HRH1: variants seen among roughly 807,000 people sequenced by gnomAD.
The protein encoded by HRH1 is histamine H1 receptor.
Under a neutral mutation model 10.3 loss-of-function variants are expected in HRH1, and 6 were observed. The observed-to-expected ratio is 0.58, with a 90% CI of 0.32 to 1.15. The LOEUF (loss-of-function observed/expected upper bound fraction) is 1.15. Ranked by LOEUF, HRH1 falls within the 50% of genes most tolerant of loss-of-function variation. The pLI, the probability that HRH1 is intolerant of heterozygous loss-of-function variation, is 0.05. For synonymous variants in HRH1, 242 were observed against 236.7 expected, an observed-to-expected ratio of 1.02 and a Z score of -0.21; for missense variants, 514 against 615.3, an observed-to-expected ratio of 0.84 and a Z score of 1.74.
intron 1 of HRH1, among the ~76,000 whole-genome samples, chr3:11,236,425 T>G (rs556669986): frequency 5.8e-4 from 64 of 110,436 alleles, no homozygotes; most frequent in Non-Finnish European, 1.0e-3. Context: ...CGAGACTCCG[T>G]CTCAAAACAA....
intron 1 of HRH1, among the ~76,000 whole-genome samples, chr3:11,235,839 T>C (rs1939167358): frequency 6.6e-6 from 1 of 152,234 alleles, no homozygotes; most frequent in South Asian, 2.1e-4. Flanking sequence ...TTTTCTACTT[T>C]GCTAGGCAGC....
chr3:11,241,677 CA>C (rs34403621), intron 1 of HRH1, among the ~76,000 whole-genome samples: 101,441 of 151,268 alleles, frequency 0.67, 34,227 homozygotes, highest in East Asian at 0.71. Context: ...ACTGAAAATA[CA>C]AAAAAAAATT....
chr3:11,244,115 C>T (rs921298185), intron 1 of HRH1, among the ~76,000 whole-genome samples: 4 of 152,196 alleles, frequency 2.6e-5, no homozygotes, highest in Non-Finnish European at 4.4e-5. Context: ...TCAAGTCTGT[C>T]CCGATGGCTG....
intron 1 of HRH1, among the ~76,000 whole-genome samples, chr3:11,174,296 T>C (rs1162545520): frequency 6.6e-6 from 1 of 152,210 alleles, no homozygotes; most frequent in African/African-American, 2.4e-5. Context: ...ATGGCTCACC[T>C]TCTAGGGATT....
chr3:11,153,105 A>G (rs548867887), upstream of HRH1, among the ~76,000 whole-genome samples: 7 of 152,260 alleles, frequency 4.6e-5, no homozygotes, highest in African/African-American at 1.2e-4. Context: ...TGAAGTTATA[A>G]CAGCACCTTG....
chr3:11,203,767 T>C (rs1938017746), intron 1 of HRH1, among the ~76,000 whole-genome samples: 1 of 152,228 alleles, frequency 6.6e-6, no homozygotes, highest in African/African-American at 2.4e-5. Context: ...AGTCTTAAAG[T>C]TGGGTAGTGT....
chr3:11,190,064 G>C (rs867252326), intron 1 of HRH1, among the ~76,000 whole-genome samples: 1 of 152,146 alleles, frequency 6.6e-6, no homozygotes, highest in Non-Finnish European at 1.5e-5. Context: ...AGCCTTTCTG[G>C]TGTGTTCTAG....
intron 1 of HRH1, among the ~76,000 whole-genome samples, chr3:11,183,493 C>T (rs943343120): frequency 1.3e-5 from 2 of 152,108 alleles, no homozygotes; most frequent in African/African-American, 4.8e-5. Flanking sequence ...AGGGCAGCCC[C>T]CAACACAGAA....
chr3:11,220,340 G>C (rs895166232), intron 1 of HRH1, among the ~76,000 whole-genome samples: 8 of 152,200 alleles, frequency 5.3e-5, no homozygotes, highest in African/African-American at 1.9e-4. Context: ...GCCTGTCTCT[G>C]AGGCCGGTTA....
chr3:11,231,203 T>C (rs1939029985), intron 1 of HRH1, among the ~76,000 whole-genome samples: 1 of 152,244 alleles, frequency 6.6e-6, no homozygotes, highest in East Asian at 1.9e-4. Flanking sequence ...TACTGTGTAG[T>C]ATTCCACAGT....
At chr3:11,187,342 G>A (rs1243741248) in intron 1 of HRH1, among the ~76,000 whole-genome samples, 2 of 151,958 alleles carry the variant, frequency 1.3e-5, no homozygotes, top group Admixed American at 6.5e-5. Flanking sequence ...CTGAAAATCT[G>A]TCCGTAATTT....
chr3:11,223,068 C>T (rs1466249750), intron 1 of HRH1, among the ~76,000 whole-genome samples: 3 of 151,214 alleles, frequency 2.0e-5, no homozygotes, highest in Non-Finnish European at 4.4e-5. Flanking sequence ...GCCTGTAGTC[C>T]CAGCTACTCA....
chr3:11,257,629 C>T (rs146224354), intron 1 of HRH1, among the ~76,000 whole-genome samples: 198 of 152,054 alleles, frequency 1.3e-3, no homozygotes, highest in African/African-American at 4.5e-3. Context: ...AACCACCCGA[C>T]TTGAGTATCA....
intron 1 of HRH1, among the ~76,000 whole-genome samples, chr3:11,155,745 T>A (rs1030677096): frequency 6.6e-6 from 1 of 151,968 alleles, no homozygotes; most frequent in Admixed American, 6.6e-5. Flanking sequence ...ACGGAGTGTG[T>A]CCCTGGAGCA....
chr3:11,139,006 A>G (rs201771961), intron 1 of HRH1, among the ~76,000 whole-genome samples: 11 of 133,908 alleles, frequency 8.2e-5, no homozygotes, highest in Non-Finnish European at 1.1e-4. Flanking sequence ...TTTTTTTTTT[A>G]GAAAGAATTT....
chr3:11,250,101 G>C (rs1411267026), intron 1 of HRH1, among the ~76,000 whole-genome samples: 2 of 140,200 alleles, frequency 1.4e-5, no homozygotes, highest in African/African-American at 2.7e-5. Flanking sequence ...GGAGTGCAGT[G>C]GCGCGATCTC....
upstream of HRH1, among the ~76,000 whole-genome samples, chr3:11,152,241 A>C (rs552800593): frequency 6.6e-6 from 1 of 152,316 alleles, no homozygotes; most frequent in African/African-American, 2.4e-5. Flanking sequence ...CCTGACACAC[A>C]GTATGCAGTA....
chr3:11,217,386 C>T (rs1232573786), intron 1 of HRH1, among the ~76,000 whole-genome samples: 2 of 151,134 alleles, frequency 1.3e-5, no homozygotes, highest in Admixed American at 1.3e-4. Flanking sequence ...AAAATTATCC[C>T]GGCATGATGG....
intron 1 of HRH1, among the ~76,000 whole-genome samples, chr3:11,140,055 C>G (rs781261395): frequency 5.9e-5 from 9 of 152,144 alleles, no homozygotes; most frequent in African/African-American, 1.7e-4. Flanking sequence ...GCAGGTGCAG[C>G]CTTGCAGGCA....
Sources: allele counts gnomAD v4.1 joint callset (sites outside exome capture counted in the v4.1 genomes callset), GRCh38; gene constraint gnomAD v4.1.1; transcripts MANE v1.5; gene names NCBI Gene and HGNC (gene_info 2026-07-23, HGNC 2026-07-21).